Variants in SNED1 observed in about 807,000 individuals in gnomAD.
The protein encoded by SNED1 is sushi, nidogen and EGF-like domain-containing protein 1.
Under a neutral mutation model 166.7 loss-of-function variants are expected in SNED1, and 81 were observed. The observed-to-expected ratio is 0.49, with a 90% confidence interval of 0.41 to 0.58. SNED1 has a LOEUF of 0.58. SNED1 is among the 20% of genes least tolerant of loss of function. The probability of loss-of-function intolerance (pLI) is 0.00; values close to 1 mark genes in which losing one functional copy is unlikely to be tolerated. For missense variants in SNED1, 1,604 were observed against 2,000.2 expected, an observed-to-expected ratio of 0.80 and a Z score of 3.78; for synonymous variants, 762 against 822.0, an observed-to-expected ratio of 0.93 and a Z score of 1.25.
chr2:241,072,229 T>C (rs190204110), intron 26 of SNED1: 2 of 506,470 alleles, frequency 3.9e-6, no homozygotes, highest in African/African-American at 3.8e-5. Flanking sequence ...TAGTAAACCA[T>C]GGGCAGGAGG....
chr2:241,065,648 A>G (rs1432609194), intron 21 of SNED1, 53 bp downstream of exon 21: 2 of 1,520,198 alleles, frequency 1.3e-6, no homozygotes, highest in African/African-American at 1.4e-5. Flanking sequence ...CCTCGAGGGC[A>G]GCGCTGGCCC....
chr2:241,037,138 T>G lies in SNED1; in HGVS notation c.932-102T>G, dbSNP rs2061398454. The G allele has an allele frequency of 2.5e-5, 28 of 1,114,864 alleles. No individual in the cohort carries two copies. The East Asian group carries it at 7.2e-4, about 29-fold the overall frequency. The allele number at this position is 1,114,864 out of a possible 1,614,324, so 69.1% of individuals were successfully genotyped here. Reference sequence around the variant, plus strand: ...AGTTGCTGCCCTCTCTGAGCCAATCTCGGGCTTGCTCCTCCTCCGTCCCCG... The same window carrying G: ...AGTTGCTGCCCTCTCTGAGCCAATCGCGGGCTTGCTCCTCCTCCGTCCCCG... On this transcript the variant is annotated intron_variant, in intron 5 of 31. Transcript: ENST00000310397.
At chr2:241,081,145 C>A (rs562898703) in intron 27 of SNED1, among the ~76,000 whole-genome samples, 3 of 152,348 alleles carry the variant, frequency 2.0e-5, no homozygotes, top group African/African-American at 7.2e-5. Context: ...CATCCCTGGG[C>A]AGCAGCCCTG....
rs1574865368 is a variant in SNED1, at chr2:241,013,381, C to G, written c.213+14331C>G. ...AGTGCAGTGGCCTGAGCCTAGCTCA[C>G]TGTAACCTCGAACTCATGGGCTCCA... is the stretch of plus-strand genomic sequence containing the variant. On this transcript the variant is annotated intron_variant, in intron 1 of 31. Coordinates refer to ENST00000310397, the MANE Select transcript of SNED1 (RefSeq NM_001080437.3). The surrounding 1 kb of genome is among the most constrained non-coding windows in gnomAD (Gnocchi z 4.6). Among the ~76,000 whole-genome samples, 1 of 152,234 alleles carries G rather than the reference C, an allele frequency of 6.6e-6. No homozygotes were observed. Among genetic ancestry groups the G allele is most frequent in the Non-Finnish European group, 1.5e-5 (1 of 68,050 alleles).
chr2:241,067,311 T>C (rs1380403029), intron 21 of SNED1, among the ~76,000 whole-genome samples: 1 of 152,202 alleles, frequency 6.6e-6, no homozygotes, highest in Non-Finnish European at 1.5e-5. Context: ...AGTGGCCCCT[T>C]CCCTGCAGTT....
intron 16 of SNED1, among the ~76,000 whole-genome samples, chr2:241,054,159 C>G (rs2125122724): frequency 6.6e-6 from 1 of 152,202 alleles, no homozygotes; most frequent in Non-Finnish European, 1.5e-5. Flanking sequence ...TCCTGACTGT[C>G]TTGGAGATGA....
chr2:241,089,644 C>G (rs543269299), intron 31 of SNED1, among the ~76,000 whole-genome samples: 84 of 152,208 alleles, frequency 5.5e-4, no homozygotes, highest in Non-Finnish European at 1.0e-3. Flanking sequence ...CTTCCCGCTC[C>G]CACCTCACCC....
intron 15 of SNED1, 28 bp from the exon 16 acceptor site, chr2:241,053,125 G>C (rs375845890): frequency 8.8e-6 from 14 of 1,596,358 alleles, no homozygotes; most frequent in Admixed American, 1.7e-5. Flanking sequence ...GCACAGGACC[G>C]TGCGAGACAG....
At chr2:241,021,713 T>G (rs1435605459) in intron 1 of SNED1, among the ~76,000 whole-genome samples, 1 of 152,280 alleles carries the variant, frequency 6.6e-6, no homozygotes, top group Admixed American at 6.5e-5. Context: ...TTGGCTATTA[T>G]GAATAAAGCT....
intron 1 of SNED1, among the ~76,000 whole-genome samples, chr2:241,009,818 C>T (rs915224775): frequency 5.6e-5 from 7 of 125,854 alleles, no homozygotes; most frequent in Non-Finnish European, 7.4e-5. Flanking sequence ...TCCCCGGAGG[C>T]GTCCCATGTG....
intron 1 of SNED1, among the ~76,000 whole-genome samples, chr2:241,014,182 T>C (rs2060501894): frequency 6.6e-6 from 1 of 152,000 alleles, no homozygotes; most frequent in Non-Finnish European, 1.5e-5. Flanking sequence ...CTAAGTTTTG[T>C]ATTTTTAGGA....
chr2:241,014,974 T>G (rs75376299), intron 1 of SNED1, among the ~76,000 whole-genome samples: 5 of 152,216 alleles, frequency 3.3e-5, no homozygotes, highest in Non-Finnish European at 7.3e-5. Context: ...TCCCTCCTGC[T>G]TCTCTGTCCC....
At chr2:241,061,650 G>T (rs2062233006) in intron 16 of SNED1, among the ~76,000 whole-genome samples, 1 of 152,136 alleles carries the variant, frequency 6.6e-6, no homozygotes, top group Non-Finnish European at 1.5e-5. Flanking sequence ...ACTTTGGGAG[G>T]CTGAGGCAGG....
At chr2:241,009,418 G>C (rs1436194697) in intron 1 of SNED1, among the ~76,000 whole-genome samples, 2 of 152,174 alleles carry the variant, frequency 1.3e-5, no homozygotes, top group African/African-American at 2.4e-5. Context: ...GACTGGTGGA[G>C]CACCTGGCCA....
intron 21 of SNED1, among the ~76,000 whole-genome samples, chr2:241,066,159 AC>A (rs1274776110): frequency 6.6e-6 from 1 of 152,018 alleles, no homozygotes; most frequent in Non-Finnish European, 1.5e-5. Flanking sequence ...ACCAGATGTG[AC>A]CCCTGAAGAG....
At position 241,069,845 on chromosome 2, in the gene SNED1, C is replaced by T. The variant is rs10171936; in HGVS notation, c.3308-75C>T. On this transcript the variant is annotated intron_variant, in intron 23 of 31. Coordinates refer to ENST00000310397, the MANE Select transcript of SNED1 (RefSeq NM_001080437.3). This position sits in a 1 kb window ranked among gnomAD's most constrained non-coding sequence, Gnocchi z 4.9. ...CAGCAAGGCTGCGGCAGCCCATGTC[C>T]GGTTCTCAAACCGTGTTCTTGCCAG... 1.7e-5 allele frequency: 26 copies of T among 1,525,726 alleles called. No individual in the cohort carries two copies. Among genetic ancestry groups the T allele is most frequent in the African/African-American group, 6.9e-5 (5 of 72,906 alleles). 94.5% of individuals were successfully genotyped at this position (1,525,726 alleles called of 1,614,324 possible). A position where few individuals can be genotyped will look rare whatever the true frequency, so the allele number is the denominator to read the frequency against.
intron 1 of SNED1, among the ~76,000 whole-genome samples, chr2:241,027,780 C>G (rs1445398811): frequency 6.7e-6 from 1 of 149,130 alleles, no homozygotes; most frequent in Admixed American, 6.7e-5. Flanking sequence ...GTGACCCAGG[C>G]TGGAGTGCAG....
At position 241,032,495 on chromosome 2, in the gene SNED1, G is replaced by A. The variant is rs531704615; in HGVS notation, c.502-1240G>A. On this transcript the variant is annotated intron_variant, in intron 2 of 31. Coordinates refer to ENST00000310397, the MANE Select transcript of SNED1 (RefSeq NM_001080437.3). ...ACCAGGGCCTGTCGTGGGGTGGGGG[G>A]GTCGGGGGAGGGATAGCATTAGGAG... 1.6e-3 allele frequency among the ~76,000 whole-genome samples: 230 copies of A among 142,256 alleles called. 1 individual carries two copies. Among genetic ancestry groups the A allele is most frequent in the African/African-American group, 5.6e-3 (221 of 39,500 alleles). 93.3% of individuals were successfully genotyped at this position (142,256 alleles called of 152,430 possible). A position where few individuals can be genotyped will look rare whatever the true frequency, so the allele number is the denominator to read the frequency against.
chr2:241,090,159 G>A, intron 31 of SNED1: 1 of 1,460,358 alleles, frequency 6.8e-7, no homozygotes, highest in Non-Finnish European at 9.1e-7. Context: ...CTGTACGGAT[G>A]TTCAAAATTG....
Sources: gnomAD v4.1 joint callset for allele counts (sites outside exome capture counted in the v4.1 genomes callset) on GRCh38, gnomAD v4.1.1 for gene constraint, Gnocchi (gnomAD v3.1) non-coding constraint, MANE v1.5 for transcripts, NCBI Gene and HGNC (gene_info 2026-07-23, HGNC 2026-07-21) for gene names.